The following ZNF519 variants were observed in gnomAD, a reference collection of about 807,000 sequenced individuals.
ZNF519 encodes the protein zinc finger protein 519, also known as similar to Zinc finger protein 85 (Zinc finger protein HPF4) (HTF1).
Under a neutral mutation model 7.4 loss-of-function variants are expected in ZNF519, and 7 were observed. The ratio of observed to expected loss-of-function variants is 0.94; its 90% confidence interval spans 0.54 to 1.77. The LOEUF (loss-of-function observed/expected upper bound fraction) is 1.77. Ranked by LOEUF, ZNF519 falls within the 40% of genes most tolerant of loss-of-function variation. ZNF519 has a pLI of 0.00. For missense variants in ZNF519, 586 were observed against 623.1 expected (o/e 0.94, Z 0.63); for synonymous variants, 179 against 203.3 (o/e 0.88, Z 1.02).
chr18:14,081,872 C>T (rs2046071828), intron 3 of ZNF519, among the ~76,000 whole-genome samples: 1 of 152,060 alleles, frequency 6.6e-6, no homozygotes, highest in Admixed American at 6.5e-5. Flanking sequence ...ATTTAATTCA[C>T]ATTAAGGGTA....
At chr18:14,125,425 G>A (rs1388231401) in intron 1 of ZNF519, among the ~76,000 whole-genome samples, 1 of 152,206 alleles carries the variant, frequency 6.6e-6, no homozygotes, top group Non-Finnish European at 1.5e-5. Flanking sequence ...GGTTTCTGTA[G>A]AGGTGGGTAC....
At chr18:14,093,651 G>T (rs893228977) in intron 2 of ZNF519, among the ~76,000 whole-genome samples, 2 of 152,222 alleles carry the variant, frequency 1.3e-5, no homozygotes, top group Non-Finnish European at 2.9e-5. Context: ...TGGCTCCAGG[G>T]CTTCCAGGTG....
At chr18:14,117,190 T>C (rs2046250229) in intron 2 of ZNF519, among the ~76,000 whole-genome samples, 1 of 152,156 alleles carries the variant, frequency 6.6e-6, no homozygotes, top group African/African-American at 2.4e-5. Flanking sequence ...AAAAATTGTA[T>C]GTTTGACAGA....
chr18:14,078,725 T>C (rs1192545640), intron 3 of ZNF519, among the ~76,000 whole-genome samples: 6 of 149,892 alleles, frequency 4.0e-5, no homozygotes, highest in African/African-American at 1.5e-4. Flanking sequence ...CTGGCCTTTA[T>C]GCCAAGAATG....
At chr18:14,083,039 C>A (rs2046076223) in intron 3 of ZNF519, 1 of 152,130 alleles carries the variant, frequency 6.6e-6, no homozygotes, top group Non-Finnish European at 1.5e-5. Context: ...TGCATACATA[C>A]AAAATTTTGT....
At chr18:14,073,621 T>G (rs2143066185), downstream of ZNF519, 1 of 152,296 alleles carries the variant, frequency 6.6e-6, no homozygotes, top group South Asian at 2.1e-4. Context: ...CCTGAGTATT[T>G]CAAAAGGCGA....
At chr18:14,110,133 G>A (rs2046212998) in intron 2 of ZNF519, among the ~76,000 whole-genome samples, 1 of 152,074 alleles carries the variant, frequency 6.6e-6, no homozygotes, top group Non-Finnish European at 1.5e-5. Flanking sequence ...AGGAAAACTG[G>A]CAAGCCACAC....
chr18:14,085,925 C>G (rs1233964278), intron 2 of ZNF519, among the ~76,000 whole-genome samples: 1 of 152,184 alleles, frequency 6.6e-6, no homozygotes, highest in East Asian at 1.9e-4. Context: ...AGGCCACGAG[C>G]AAACCTCAGC....
Position 14,132,270 on chromosome 18 carries a change from C to A in ZNF519, c.3+5G>T. On this transcript the variant is annotated splice_donor_5th_base_variant and intron_variant, in intron 1 of 2. Coordinates refer to ENST00000590202, the MANE Select transcript of ZNF519 (RefSeq NM_145287.4). ...GTCTCGGTACGCCCTGCCCCCCACACTCACCATTTCTCGGCTTCAGGGGTG... is the reference window on the plus strand; with the variant it reads ...GTCTCGGTACGCCCTGCCCCCCACAATCACCATTTCTCGGCTTCAGGGGTG... 6.2e-7 allele frequency: 1 copy of A among 1,613,910 alleles called. No individual in the cohort carries two copies. Among genetic ancestry groups the A allele is most frequent in the Non-Finnish European group, 8.5e-7 (1 of 1,179,862 alleles).
intron 3 of ZNF519, among the ~76,000 whole-genome samples, chr18:14,083,151 A>T (rs2046076584): frequency 6.6e-6 from 1 of 151,970 alleles, no homozygotes; most frequent in Non-Finnish European, 1.5e-5. Flanking sequence ...GGAGTTTAAG[A>T]CCAGCCTGGC....
chr18:14,112,717 C>G (rs1483474643), intron 2 of ZNF519, among the ~76,000 whole-genome samples: 2 of 151,904 alleles, frequency 1.3e-5, no homozygotes, highest in East Asian at 3.9e-4. Context: ...TAGGAATTAA[C>G]CAAAGAAATT....
In ZNF519 at chr18:14,103,440, A is replaced by G. The variant is rs1484552987; in HGVS notation, c.*1477T>C. On this transcript the variant is annotated 3_prime_UTR_variant, in exon 3 of 3. Transcript: ENST00000590202. ...ATATATGGAAATTAAAAATACTCCT[A>G]ATTAATGTGTTAAAGAAAAAATGAA... is the stretch of plus-strand genomic sequence containing the variant. 1 of 152,142 alleles carries G rather than the reference A, an allele frequency of 6.6e-6. No individual in the cohort carries two copies. Among genetic ancestry groups the G allele is most frequent in the African/African-American group, 2.4e-5 (1 of 41,450 alleles). 9.4% of individuals were successfully genotyped at this position (152,142 alleles called of 1,614,324 possible).
chr18:14,118,476 T>C (rs2036539126), intron 2 of ZNF519, among the ~76,000 whole-genome samples: 1 of 152,192 alleles, frequency 6.6e-6, no homozygotes, highest in Non-Finnish European at 1.5e-5. Context: ...AGTATATGAT[T>C]CCACTTACAT....
At position 14,100,085 on chromosome 18, in the gene ZNF519, T is replaced by C. The variant is rs981234617; in HGVS notation, c.*4832A>G. 1 of 152,144 alleles carries C rather than the reference T, an allele frequency of 6.6e-6. No individual in the cohort carries two copies. Among genetic ancestry groups the C allele is most frequent in the South Asian group, 2.1e-4 (1 of 4,828 alleles). 9.4% of individuals were successfully genotyped at this position (152,144 alleles called of 1,614,324 possible). On this transcript the variant is annotated 3_prime_UTR_variant, in exon 3 of 3. Coordinates refer to ENST00000590202, the MANE Select transcript of ZNF519 (RefSeq NM_145287.4). ...CATTTCATCAGAGATAATAGGCAGA[T>C]GTCATATGAGAACATTAAATAAAGT... is the stretch of plus-strand genomic sequence containing the variant.
At chr18:14,131,934 G>C (rs1665733517) in intron 1 of ZNF519, among the ~76,000 whole-genome samples, 2 of 152,162 alleles carry the variant, frequency 1.3e-5, no homozygotes, top group South Asian at 4.1e-4. Context: ...GTCTAATTCC[G>C]AACAGGGTAA....
At chr18:14,091,068 T>A (rs940264671) in intron 2 of ZNF519, 4 of 152,194 alleles carry the variant, frequency 2.6e-5, no homozygotes, top group Admixed American at 2.6e-4. Flanking sequence ...AAAGCATTAT[T>A]TTTTGGACTT....
chr18:14,095,148 T>G (rs1161030746), downstream of ZNF519, among the ~76,000 whole-genome samples: 1 of 150,418 alleles, frequency 6.6e-6, no homozygotes, highest in African/African-American at 2.5e-5. Context: ...TGTGTGTCCA[T>G]AGTTGTTATG....
chr18:14,081,995 T>C (rs1387145824), intron 3 of ZNF519, among the ~76,000 whole-genome samples: 2 of 151,870 alleles, frequency 1.3e-5, no homozygotes, highest in African/African-American at 4.8e-5. Flanking sequence ...AAAATAAAAA[T>C]AAAATATATA....
At chr18:14,083,472 C>A (rs2046077747) in intron 3 of ZNF519, among the ~76,000 whole-genome samples, 1 of 152,202 alleles carries the variant, frequency 6.6e-6, no homozygotes, top group East Asian at 1.9e-4. Context: ...ATTTAAACAA[C>A]TTCCTAGTGT....
Sources: allele counts gnomAD v4.1 joint callset (sites outside exome capture counted in the v4.1 genomes callset), GRCh38; gene constraint gnomAD v4.1.1; transcripts MANE v1.5; gene names NCBI Gene and HGNC (gene_info 2026-07-23, HGNC 2026-07-21).